Variants in AIFM1 observed in about 807,000 individuals in gnomAD.
AIFM1 encodes apoptosis inducing factor mitochondria associated 1.
Under a neutral mutation model 51.7 loss-of-function variants are expected in AIFM1, and 3 were observed. The observed-to-expected ratio is 0.06, with a 90% CI of 0.03 to 0.15. The LOEUF (loss-of-function observed/expected upper bound fraction) is 0.15. Ranked by LOEUF, AIFM1 falls within the 10% of genes least tolerant of loss-of-function variation. The probability of loss-of-function intolerance (pLI) is 1.00; values close to 1 mark genes in which losing one functional copy is unlikely to be tolerated. For synonymous variants in AIFM1, 178 were observed against 179.4 expected (o/e 0.99, Z 0.06); for missense variants, 330 against 476.8 (o/e 0.69, Z 2.87).
chrX:130,159,855 T>G (rs1316863281), intron 1 of AIFM1, among the ~76,000 whole-genome samples: 2 of 107,952 alleles, frequency 1.9e-5, no homozygotes, highest in Non-Finnish European at 3.8e-5. Flanking sequence ...AGGGTCTCAC[T>G]CTGTCCCCAA....
chrX:130,148,083 G>A (rs370932707), intron 3 of AIFM1, among the ~76,000 whole-genome samples: 37 of 112,530 alleles, frequency 3.3e-4, no homozygotes, highest in African/African-American at 1.2e-3. Context: ...GTGAAAAATA[G>A]GAGAATGATT....
At chrX:130,130,519 T>C (rs2030021222) in intron 14 of AIFM1, among the ~76,000 whole-genome samples, 1 of 112,588 alleles carries the variant, frequency 8.9e-6, no homozygotes, top group Admixed American at 9.4e-5. Context: ...ATTCTAGAGC[T>C]GCATGGTCCA....
intron 9 of AIFM1, 33 bp downstream of exon 9, chrX:130,138,560 G>C (rs776589330): frequency 1.3e-5 from 13 of 1,032,680 alleles, no homozygotes; most frequent in Admixed American, 2.2e-5. Flanking sequence ...TAAGACTAGA[G>C]AAAGAAAATC....
At chrX:130,136,932 T>C (rs1280757648) in intron 10 of AIFM1, 146 bp downstream of exon 10, 1 of 1,127,803 alleles carries the variant, frequency 8.9e-7, no homozygotes, top group African/African-American at 1.8e-5. Flanking sequence ...AACACCTAGA[T>C]GAACTTAGCT....
At chrX:130,135,958 G>A (rs1338740692) in intron 12 of AIFM1, 87 bp downstream of exon 12, 1 of 1,146,367 alleles carries the variant, frequency 8.7e-7, no homozygotes, top group Non-Finnish European at 1.2e-6. Flanking sequence ...TGGTTAGGCT[G>A]TTGATGAGCT....
rs912356394 is a variant in AIFM1, at chrX:130,165,583, A to G, written c.74T>C (p.Val25Ala). 3 of 1,199,124 alleles carry G rather than the reference A, an allele frequency of 2.5e-6. No homozygotes were observed. Among genetic ancestry groups the G allele is most frequent in the Middle Eastern group, 2.3e-4 (1 of 4,362 alleles). ...CCGGTTCCTCTGCCTCGGGCTTCGG[A>G]CGCACACGGTCCGCACCAAGGGCAC... ...KLVPLVRTVC[V>A]RSPRQRNRLP... The change falls in exon 1 of 16, where the codon GTC becomes GCC. Residue 25 changes from valine (V) to alanine (A), a missense_variant. Transcript: ENST00000287295.
intron 13 of AIFM1, among the ~76,000 whole-genome samples, chrX:130,133,016 C>T (rs758810249): frequency 3.9e-4 from 44 of 111,566 alleles, no homozygotes; most frequent in African/African-American, 1.3e-3. Context: ...CCTATTTTGC[C>T]GGAAGTGCTG....
At position 130,147,608 on chromosome X, in the gene AIFM1, C is replaced by T. The variant is rs2030802260; in HGVS notation, c.490G>A (p.Glu164Lys). 1.7e-6 allele frequency: 2 copies of T among 1,212,021 alleles called. No individual in the cohort carries two copies. Among genetic ancestry groups the T allele is most frequent in the Non-Finnish European group, 2.2e-6 (2 of 895,621 alleles). ...DPGARVLIVS[E>K]DPELPYMRPP... ...CGCATGTACGGCAGCTCAGGATCTT[C>T]AGATACAATCAGTACCTTCAGACAT... The change falls in exon 5 of 16, where the codon GAA becomes AAA. Residue 164 changes from glutamate to lysine, a missense_variant. Physicochemically the swap from Glu to Lys is moderately conservative, Grantham distance 56 (BLOSUM62 1). Around this residue, in one of 4 missense-constraint regions of AIFM1, gnomAD observed 152 missense variants for 292.8 expected, o/e 0.52. Coordinates refer to ENST00000287295, the MANE Select transcript of AIFM1 (RefSeq NM_004208.4).
chrX:130,139,649 G>C, intron 8 of AIFM1, 146 bp downstream of exon 8: 1 of 542,041 alleles, frequency 1.8e-6, no homozygotes, highest in Admixed American at 2.6e-5. Flanking sequence ...GAGAGGAAGT[G>C]ACTTGTTCAA....
intron 1 of AIFM1, among the ~76,000 whole-genome samples, chrX:130,164,330 G>A (rs1416709345): frequency 8.9e-6 from 1 of 112,415 alleles, no homozygotes. Flanking sequence ...TATGTCCCAG[G>A]ACATAACTCA....
rs2031510796 is a variant in AIFM1, at chrX:130,165,714, G to A, written c.-58C>T. On this transcript the variant is annotated 5_prime_UTR_variant, in exon 1 of 16. Transcript: ENST00000287295. ...CCTTTCCTCTCACGCACGACCGACG[G>A]GTCAAACACCGTGAGCCCCGGCCAG... is the stretch of plus-strand genomic sequence containing the variant. The A allele has an allele frequency of 1.0e-6, 1 of 998,693 alleles. No individual in the cohort carries two copies. Among genetic ancestry groups the A allele is most frequent in the Non-Finnish European group, 1.4e-6 (1 of 717,900 alleles). 82.3% of individuals were successfully genotyped at this position (998,693 alleles called of 1,213,427 possible).
At position 130,147,798 on chromosome X, in the gene AIFM1, G is replaced by C; in HGVS notation, c.428C>G (p.Ala143Gly). 1.6e-6 allele frequency: 2 copies of C among 1,212,150 alleles called. No individual in the cohort carries two copies. Among genetic ancestry groups the C allele is most frequent in the Non-Finnish European group, 2.2e-6 (2 of 895,629 alleles). ...CCGGATGGATCTGGCTGCAGCAAAA[G>C]CAGCTGTGCCTCCACCAATTAGCAG... ...PFLLIGGGTA[A>G]FAAARSIRAR... is the part of the protein sequence containing the mutation. The change falls in exon 4 of 16, where the codon GCT (alanine) becomes GGT (glycine). Residue 143 changes from alanine (A) to glycine (G), a missense_variant. Ala to Gly is a moderately conservative substitution (Grantham distance 60, BLOSUM62 0). This residue lies in a region of AIFM1 where 152 missense variants were observed against 292.8 expected (regional missense o/e 0.52). Coordinates refer to ENST00000287295, the MANE Select transcript of AIFM1 (RefSeq NM_004208.4).
rs952501071 is a variant in AIFM1, at chrX:130,150,110, T to C, written c.250-542A>G. 2.7e-5 allele frequency among the ~76,000 whole-genome samples: 3 copies of C among 111,234 alleles called. No homozygotes were observed. The Admixed American group carries it at 2.9e-4, about 11-fold the overall frequency. ...GTTACCCATCATTCCCTCAATGGTC[T>C]ATCCTTTTCTTAAACTCACGAGGTA... On this transcript the variant is annotated intron_variant, in intron 2 of 15. Transcript: ENST00000287295.
At chrX:130,157,648 C>T (rs1238649864) in intron 1 of AIFM1, among the ~76,000 whole-genome samples, 1 of 111,400 alleles carries the variant, frequency 9.0e-6, no homozygotes, top group Non-Finnish European at 1.9e-5. Flanking sequence ...TCATGTGTCA[C>T]GAAATTCTTT....
At position 130,158,736 on chromosome X, in the gene AIFM1, CA is replaced by C. The variant is rs894279935; in HGVS notation, c.107-2134del. Among the ~76,000 whole-genome samples the C allele has an allele frequency of 6.1e-4, 48 of 79,245 alleles. No individual in the cohort carries two copies. The East Asian group carries it at 0.017, about 28-fold the overall frequency. 68.8% of individuals were successfully genotyped at this position (79,245 alleles called of 115,157 possible). On this transcript the variant is annotated intron_variant, in intron 1 of 15. Transcript: ENST00000287295. Reference sequence around the variant, plus strand: ...AAAAAAAAAAAAAAAAAAAAAATCGCAAAAAAATCTCATAATGTTTTAAGAA... The same window carrying C: ...AAAAAAAAAAAAAAAAAAAAAATCGCAAAAAATCTCATAATGTTTTAAGAA...
chrX:130,149,142 G>A (rs781329880), intron 3 of AIFM1, among the ~76,000 whole-genome samples: 48 of 109,949 alleles, frequency 4.4e-4, no homozygotes, highest in Admixed American at 5.8e-4. Flanking sequence ...GGCTGGTCTT[G>A]AGCTCCTGAC....
chrX:130,138,361 A>G (rs988442973), intron 9 of AIFM1, among the ~76,000 whole-genome samples: 3 of 111,200 alleles, frequency 2.7e-5, no homozygotes, highest in Admixed American at 9.6e-5. Context: ...GCTACTCGGG[A>G]GGCTGAGGCA....
At chrX:130,160,637 C>T (rs188342033) in intron 1 of AIFM1, among the ~76,000 whole-genome samples, 1 of 111,979 alleles carries the variant, frequency 8.9e-6, no homozygotes, top group East Asian at 2.8e-4. Flanking sequence ...AGACTAGACT[C>T]AAACTCCTGG....
intron 3 of AIFM1, among the ~76,000 whole-genome samples, chrX:130,148,669 A>G (rs1208388621): frequency 9.3e-6 from 1 of 108,108 alleles, no homozygotes; most frequent in Middle Eastern, 4.3e-3. Flanking sequence ...CCCTGTCTCT[A>G]CTAAACATAC....
Sources: allele counts gnomAD v4.1 joint callset (sites outside exome capture counted in the v4.1 genomes callset), GRCh38; gene constraint gnomAD v4.1.1; regional missense constraint gnomAD v4.1.1; transcripts MANE v1.5; gene names NCBI Gene and HGNC (gene_info 2026-07-23, HGNC 2026-07-21).